CTNNA3: variants seen among roughly 807,000 people sequenced by gnomAD.
CTNNA3 encodes the protein catenin alpha 3, also known as catenin alpha-3.
In CTNNA3, 76 loss-of-function variants were observed where a neutral mutation model predicts 95.7. The ratio of observed to expected loss-of-function variants is 0.79; its 90% CI spans 0.66 to 0.96. The LOEUF is 0.96. Among genes scored for constraint, CTNNA3 ranks in the 40% least tolerant of loss-of-function variants. The pLI, the probability that CTNNA3 is intolerant of heterozygous loss-of-function variation, is 0.00. For synonymous variants in CTNNA3, 431 were observed against 374.4 expected, an observed-to-expected ratio of 1.15 and a Z score of -1.74; for missense variants, 1,191 against 1,089.8, an observed-to-expected ratio of 1.09 and a Z score of -1.31.
intron 5 of CTNNA3, among the ~76,000 whole-genome samples, chr10:67,344,777 G>A (rs1961310): frequency 0.89 from 134,979 of 151,916 alleles, 61,071 homozygotes; most frequent in East Asian, 1. Flanking sequence ...ATTTTGTTTA[G>A]CTTTTTAAAA....
chr10:66,446,182 A>G (rs753536182), intron 11 of CTNNA3, among the ~76,000 whole-genome samples: 57 of 152,178 alleles, frequency 3.7e-4, no homozygotes, highest in Non-Finnish European at 7.9e-4. Flanking sequence ...GCAATAATCA[A>G]TAGCTTACAA....
chr10:66,669,903 C>G (rs1020001619), intron 9 of CTNNA3, among the ~76,000 whole-genome samples: 3 of 151,960 alleles, frequency 2.0e-5, no homozygotes, highest in Non-Finnish European at 4.4e-5. Flanking sequence ...GTCAGCAACA[C>G]AGTGAGGCAG....
intron 7 of CTNNA3, among the ~76,000 whole-genome samples, chr10:66,787,803 G>C (rs1398253194): frequency 6.6e-6 from 1 of 152,210 alleles, no homozygotes; most frequent in Non-Finnish European, 1.5e-5. Context: ...CAAAAATGCA[G>C]ATTTAGTGAG....
intron 11 of CTNNA3, among the ~76,000 whole-genome samples, chr10:66,421,897 G>GATGTGTATATATGTATATATAT: frequency 9.2e-6 from 1 of 108,150 alleles, no homozygotes; most frequent in Non-Finnish European, 1.9e-5. Flanking sequence ...TAATAAATGT[G>GATGTGTATATATGTATATATAT]ATATATATAT....
intron 5 of CTNNA3, among the ~76,000 whole-genome samples, chr10:67,235,410 G>A (rs1201002884): frequency 6.6e-6 from 1 of 152,096 alleles, no homozygotes; most frequent in African/African-American, 2.4e-5. Context: ...ACAAACAATG[G>A]GGAAAGTATT....
At chr10:65,974,776 T>TA (rs35290992) in intron 16 of CTNNA3, among the ~76,000 whole-genome samples, 105,488 of 151,660 alleles carry the variant, frequency 0.7, 37,064 homozygotes, top group African/African-American at 0.79. Flanking sequence ...GACTCTGGGT[T>TA]AAAAAAAATT....
intron 7 of CTNNA3, among the ~76,000 whole-genome samples, chr10:67,000,424 T>A (rs189215021): frequency 6.6e-6 from 1 of 152,180 alleles, no homozygotes; most frequent in Non-Finnish European, 1.5e-5. Flanking sequence ...GATCTACTTA[T>A]TGTGATGATG....
chr10:66,451,156 C>A (rs1186952273), intron 11 of CTNNA3, among the ~76,000 whole-genome samples: 2 of 152,090 alleles, frequency 1.3e-5, no homozygotes, highest in East Asian at 3.9e-4. Flanking sequence ...TTAAGTAAAT[C>A]TAACCAATGC....
At chr10:66,735,357 G>A (rs1489823152) in intron 9 of CTNNA3, among the ~76,000 whole-genome samples, 1 of 151,840 alleles carries the variant, frequency 6.6e-6, no homozygotes, top group African/African-American at 2.4e-5. Flanking sequence ...CTTATTTAGA[G>A]GTAACTAACA....
chr10:66,461,245 A>G (rs1000680047), intron 11 of CTNNA3, among the ~76,000 whole-genome samples: 1 of 152,106 alleles, frequency 6.6e-6, no homozygotes, highest in Admixed American at 6.6e-5. Flanking sequence ...TTGTGTACTC[A>G]TAATAGATGA....
At chr10:66,260,039 G>T (rs1326501234) in intron 13 of CTNNA3, among the ~76,000 whole-genome samples, 4 of 152,170 alleles carry the variant, frequency 2.6e-5, no homozygotes, top group Non-Finnish European at 5.9e-5. Context: ...AAACCTCAAG[G>T]TCTCTCTGAC....
intron 2 of CTNNA3, among the ~76,000 whole-genome samples, chr10:67,616,893 T>C (rs1843675521): frequency 1.3e-5 from 2 of 152,228 alleles, no homozygotes; most frequent in South Asian, 2.1e-4. Flanking sequence ...AAAAATTTTT[T>C]TTTAATCAGA....
chr10:66,614,640 C>T (rs571711076), intron 10 of CTNNA3, among the ~76,000 whole-genome samples: 1 of 152,070 alleles, frequency 6.6e-6, no homozygotes, highest in East Asian at 1.9e-4. Context: ...TCTTTATACC[C>T]AACCACATCA....
intron 11 of CTNNA3, among the ~76,000 whole-genome samples, chr10:66,492,461 T>G (rs1839956993): frequency 6.6e-6 from 1 of 151,972 alleles, no homozygotes; most frequent in African/African-American, 2.4e-5. Context: ...TTTTTTTTTT[T>G]TTTTTTGGTA....
chr10:67,475,737 C>T (rs1450999524), intron 5 of CTNNA3, among the ~76,000 whole-genome samples: 3 of 152,058 alleles, frequency 2.0e-5, no homozygotes, highest in African/African-American at 7.2e-5. Flanking sequence ...ACTTTATATT[C>T]ATTATCATGA....
chr10:66,018,376 A>G (rs1213502518), intron 15 of CTNNA3, among the ~76,000 whole-genome samples: 1 of 152,066 alleles, frequency 6.6e-6, no homozygotes, highest in Non-Finnish European at 1.5e-5. Flanking sequence ...TTGCATACAA[A>G]CTTCGTGACA....
chr10:67,142,175 G>GA (rs1303036025), intron 7 of CTNNA3, among the ~76,000 whole-genome samples: 3 of 150,876 alleles, frequency 2.0e-5, no homozygotes, highest in Non-Finnish European at 3.0e-5. Flanking sequence ...CAGGTGAGAG[G>GA]AAAAAAAAGA....
chr10:66,345,005 C>T (rs1464671214), intron 12 of CTNNA3, among the ~76,000 whole-genome samples: 1 of 151,822 alleles, frequency 6.6e-6, no homozygotes, highest in Non-Finnish European at 1.5e-5. Context: ...AAAGCTAAGC[C>T]ACAGGTAATT....
At chr10:67,726,351 TATATATGATATA>T (rs1363426573) in intron 1 of CTNNA3, among the ~76,000 whole-genome samples, 1 of 57,874 alleles carries the variant, frequency 1.7e-5, no homozygotes, top group Non-Finnish European at 2.6e-5. Flanking sequence ...TAATATATGA[TATATATGATATA>T]ATATATGATA....
Sources: gnomAD v4.1 joint callset for allele counts (sites outside exome capture counted in the v4.1 genomes callset) on GRCh38, gnomAD v4.1.1 for gene constraint, MANE v1.5 for transcripts, NCBI Gene and HGNC (gene_info 2026-07-23, HGNC 2026-07-21) for gene names.